The following ACSBG1 variants were observed in gnomAD, a reference collection of about 807,000 sequenced individuals.
ACSBG1 encodes the protein long-chain-fatty-acid--CoA ligase ACSBG1.
ACSBG1 carries 39 observed loss-of-function variants against 80.2 expected under a neutral mutation model. The observed-to-expected ratio is 0.49, with a 90% confidence interval of 0.38 to 0.64. ACSBG1 has a LOEUF of 0.64. Ranked by LOEUF, ACSBG1 falls within the 30% of genes least tolerant of loss-of-function variation. The pLI is 0.00. For missense variants in ACSBG1, 828 were observed against 966.4 expected, an observed-to-expected ratio of 0.86 and a Z score of 1.90; for synonymous variants, 392 against 379.5, an observed-to-expected ratio of 1.03 and a Z score of -0.38.
chr15:78,222,446 T>C lies in ACSBG1; in HGVS notation c.131+11925A>G, dbSNP rs573592836. 2.6e-5 allele frequency among the ~76,000 whole-genome samples: 4 copies of C among 152,282 alleles called. No individual in the cohort carries two copies. The South Asian group carries it at 6.2e-4, about 24-fold the overall frequency. ...TGGGAGGCTGAAGTGGGAGGATCAC[T>C]TGAGGGCAGGAGTTCAAGACCAGCT... On this transcript the variant is annotated intron_variant, in intron 1 of 13. Transcript: ENST00000258873.
chr15:78,189,228 G>A (rs2075034766), intron 5 of ACSBG1, among the ~76,000 whole-genome samples: 1 of 150,216 alleles, frequency 6.7e-6, no homozygotes, highest in East Asian at 1.9e-4. Flanking sequence ...TGGTGGGACT[G>A]TAAACTAGTT....
intron 1 of ACSBG1, 65 bp downstream of exon 1, chr15:78,234,306 C>G (rs1417907855): frequency 3.2e-6 from 5 of 1,574,996 alleles, no homozygotes; most frequent in Non-Finnish European, 4.3e-6. Flanking sequence ...CAAGTTCACA[C>G]AGCAGAGCAA....
In ACSBG1 at chr15:78,194,491, G is replaced by A. The variant is rs1405316894; in HGVS notation, c.453+15C>T. 1 of 1,613,156 alleles carries A rather than the reference G, an allele frequency of 6.2e-7. No homozygotes were observed. The highest frequency in any genetic ancestry group is 1.3e-5 in the African/African-American group (1 of 74,912). Reference sequence around the variant, plus strand: ...CTGGGGAGGGGCAAGGCCTTGCCATGAGGGGCCCCCTTACCTTCAGGAAGC... The same window carrying A: ...CTGGGGAGGGGCAAGGCCTTGCCATAAGGGGCCCCCTTACCTTCAGGAAGC... On this transcript the variant is annotated intron_variant, in intron 3 of 13. Transcript: ENST00000258873.
intron 2 of ACSBG1, among the ~76,000 whole-genome samples, chr15:78,204,069 C>T (rs2075192034): frequency 6.6e-6 from 1 of 152,216 alleles, no homozygotes. Context: ...TCAGTAGTTC[C>T]TCTGTGTCTG....
At chr15:78,202,014 G>A (rs2139442) in intron 2 of ACSBG1, among the ~76,000 whole-genome samples, 88,405 of 151,888 alleles carry the variant, frequency 0.58, 27,929 homozygotes, top group Admixed American at 0.7. Flanking sequence ...AGATCAGGAT[G>A]GCTGAGCTGA....
intron 11 of ACSBG1, 139 bp from the exon 12 acceptor site, chr15:78,174,663 C>T: frequency 9.4e-7 from 1 of 1,062,708 alleles, no homozygotes; most frequent in Non-Finnish European, 1.3e-6. Context: ...GAAGCAGTGG[C>T]AGGCCCTCCA....
intron 5 of ACSBG1, among the ~76,000 whole-genome samples, chr15:78,189,769 A>G (rs934121148): frequency 6.6e-6 from 1 of 152,040 alleles, no homozygotes; most frequent in African/African-American, 2.4e-5. Context: ...ACATGTATAC[A>G]TATGTAACTA....
chr15:78,203,737 TG>T (rs1391698959), intron 2 of ACSBG1, among the ~76,000 whole-genome samples: 1 of 152,178 alleles, frequency 6.6e-6, no homozygotes, highest in Non-Finnish European at 1.5e-5. Context: ...CTGTTTTCCG[TG>T]GTCTGTGGGA....
intron 2 of ACSBG1, among the ~76,000 whole-genome samples, chr15:78,202,929 C>A (rs185017916): frequency 5.6e-4 from 86 of 152,256 alleles, no homozygotes; most frequent in Middle Eastern, 6.8e-3. Flanking sequence ...GGACTGGTCT[C>A]TTATTCAGTT....
chr15:78,190,764 G>T (rs2075050354), intron 5 of ACSBG1, among the ~76,000 whole-genome samples: 1 of 151,930 alleles, frequency 6.6e-6, no homozygotes. Context: ...AGTACACTGT[G>T]ATAAGTTAAA....
intron 1 of ACSBG1, among the ~76,000 whole-genome samples, chr15:78,215,947 T>C (rs1410995771): frequency 1.3e-5 from 2 of 152,190 alleles, no homozygotes; most frequent in Non-Finnish European, 2.9e-5. Flanking sequence ...TAGAGCCGCC[T>C]ATGACACTTT....
At chr15:78,207,917 T>TCCCCCCCACCACCCCCCCCCCC in intron 2 of ACSBG1, 85 bp downstream of exon 2, 1 of 876,066 alleles carries the variant, frequency 1.1e-6, no homozygotes, top group East Asian at 2.7e-5. Flanking sequence ...TGTGTGGTGG[T>TCCCCCCCACCACCCCCCCCCCC]CCCCCACACC....
intron 1 of ACSBG1, among the ~76,000 whole-genome samples, chr15:78,212,335 C>T (rs907593118): frequency 1.3e-5 from 2 of 152,100 alleles, no homozygotes; most frequent in Admixed American, 6.6e-5. Flanking sequence ...GTGCTTAGTA[C>T]GTAGTCAGCT....
At chr15:78,210,902 C>T (rs1420507644) in intron 1 of ACSBG1, among the ~76,000 whole-genome samples, 2 of 152,242 alleles carry the variant, frequency 1.3e-5, no homozygotes, top group African/African-American at 4.8e-5. Flanking sequence ...GCGCAAGTCA[C>T]CATGCTCGGC....
At chr15:78,181,872 G>C (rs1312681765) in intron 8 of ACSBG1, 97 bp downstream of exon 8, 1 of 1,450,452 alleles carries the variant, frequency 6.9e-7, no homozygotes, top group East Asian at 2.3e-5. Flanking sequence ...ACATGCACAG[G>C]AACAGCACAC....
chr15:78,197,336 T>C (rs1040320462), intron 2 of ACSBG1, among the ~76,000 whole-genome samples: 2 of 152,178 alleles, frequency 1.3e-5, no homozygotes, highest in African/African-American at 2.4e-5. Flanking sequence ...TTTGCAACTC[T>C]GTAAATTTGC....
intron 2 of ACSBG1, 85 bp downstream of exon 2, chr15:78,207,917 T>TCCCCCCCACCACCCCCCCCCCCCCCACAC: frequency 1.1e-6 from 1 of 876,066 alleles, no homozygotes. Context: ...TGTGTGGTGG[T>TCCCCCCCACCACCCCCCCCCCCCCCACAC]CCCCCACACC....
At chr15:78,233,937 C>T (rs1794067568) in intron 1 of ACSBG1, among the ~76,000 whole-genome samples, 1 of 152,224 alleles carries the variant, frequency 6.6e-6, no homozygotes, top group African/African-American at 2.4e-5. Context: ...GACAGGGAAG[C>T]TACAGCCCAC....
At chr15:78,215,760 AAGAAAGAAAGAAAGAAAGAAAGAAAG>A (rs1567096377) in intron 1 of ACSBG1, among the ~76,000 whole-genome samples, 3 of 147,438 alleles carry the variant, frequency 2.0e-5, no homozygotes, top group African/African-American at 7.4e-5. Flanking sequence ...GAAAGAAAGA[AAGAAAGAAAGAAAGAAAGAAAGAAAG>A]AGAAAGAAAG....
Sources: gnomAD v4.1 joint callset for allele counts (sites outside exome capture counted in the v4.1 genomes callset) on GRCh38, gnomAD v4.1.1 for gene constraint, MANE v1.5 for transcripts, NCBI Gene and HGNC (gene_info 2026-07-23, HGNC 2026-07-21) for gene names.